RIPOR2: variants seen among roughly 807,000 people sequenced by gnomAD.
RIPOR2 encodes the protein rho family-interacting cell polarization regulator 2.
RIPOR2 carries 39 observed loss-of-function variants against 114.5 expected under a neutral mutation model. The ratio of observed to expected loss-of-function variants is 0.34; its 90% CI spans 0.26 to 0.44. RIPOR2 has a LOEUF of 0.44. Ranked by LOEUF, RIPOR2 falls within the 20% of genes least tolerant of loss-of-function variation. The pLI, the probability that RIPOR2 is intolerant of heterozygous loss-of-function variation, is 1.00. For missense variants in RIPOR2, 1,007 were observed against 1,255.1 expected (o/e 0.80, Z 2.99); for synonymous variants, 445 against 484.4 (o/e 0.92, Z 1.07).
At position 24,852,486 on chromosome 6, in the gene RIPOR2, GAC is replaced by G. The variant is rs1763060815; in HGVS notation, c.759+87_759+88del. 5.1e-6 allele frequency: 5 copies of G among 975,198 alleles called. No homozygotes were observed. In the South Asian group the frequency reaches 7.2e-5, roughly 14 times the overall value. 60.4% of individuals were successfully genotyped at this position (975,198 alleles called of 1,614,324 possible). A position where few individuals can be genotyped will look rare whatever the true frequency, so the allele number is the denominator to read the frequency against. On this transcript the variant is annotated intron_variant, in intron 9 of 21. Coordinates refer to ENST00000643898, the MANE Select transcript of RIPOR2 (RefSeq NM_001286445.3). ...AAAATTAAAAATTAAAAAAAAAAAA[GAC>G]AACTTGAAAAGCAAAATAATGACAT... is the stretch of plus-strand genomic sequence containing the variant.
chr6:24,899,637 C>A (rs1309450902), intron 1 of RIPOR2, among the ~76,000 whole-genome samples: 1 of 152,194 alleles, frequency 6.6e-6, no homozygotes, highest in African/African-American at 2.4e-5. Flanking sequence ...CATGAATTAA[C>A]AATGAGCTTG....
At chr6:24,990,482 C>T (rs1326711566) in intron 1 of RIPOR2, among the ~76,000 whole-genome samples, 1 of 152,234 alleles carries the variant, frequency 6.6e-6, no homozygotes, top group Non-Finnish European at 1.5e-5. Flanking sequence ...AAGCCACAAT[C>T]GTGAGTCGTA....
chr6:24,808,388 T>C, intron 21 of RIPOR2, among the ~76,000 whole-genome samples: 1 of 152,238 alleles, frequency 6.6e-6, no homozygotes, highest in East Asian at 1.9e-4. Context: ...AATAATACCT[T>C]GGTACATTTT....
intron 1 of RIPOR2, chr6:24,877,318 A>G (rs1450533833): frequency 5.1e-6 from 5 of 985,230 alleles, no homozygotes; most frequent in Middle Eastern, 5.2e-4. Context: ...CTCCCTCTCC[A>G]GGAGAGAGCA....
In RIPOR2 at chr6:25,029,411, G is replaced by GAAAA. The variant is rs71544610; in HGVS notation, c.76+12436_76+12439dup. On this transcript the variant is annotated intron_variant, in intron 1 of 13. Transcript: ENST00000510784. ...CAGAGCGAGACTCCGTCTCAAAAAA[G>GAAAA]AAAAAAAAAAAAAAAAAAAAAAGAA... is the stretch of plus-strand genomic sequence containing the variant. Among the ~76,000 whole-genome samples the GAAAA allele has an allele frequency of 2.3e-3, 205 of 90,580 alleles. 3 individuals are homozygous for GAAAA. The highest frequency in any genetic ancestry group is 3.9e-3 in the South Asian group (9 of 2,332). The allele number at this position is 90,580 out of a possible 152,430, so 59.4% of individuals were successfully genotyped here.
intron 1 of RIPOR2, among the ~76,000 whole-genome samples, chr6:24,934,543 A>G (rs1771627154): frequency 6.6e-6 from 1 of 152,228 alleles, no homozygotes; most frequent in Non-Finnish European, 1.5e-5. Context: ...GTTCTTTGCG[A>G]CACTCTAATT....
Position 24,839,319 on chromosome 6 carries a change from G to C in RIPOR2, c.1858-47C>G, listed in dbSNP as rs776033455. On this transcript the variant is annotated intron_variant, in intron 13 of 21. Transcript: ENST00000643898. ...GGGAGAACATCAACATATCCGGAAA[G>C]AGAAACCAGACACACGATGCTCAAT... is the stretch of plus-strand genomic sequence containing the variant. 6 of 1,508,082 alleles carry C rather than the reference G, an allele frequency of 4.0e-6. No homozygotes were observed. The African/African-American group carries it at 8.4e-5, about 21-fold the overall frequency. 93.4% of individuals were successfully genotyped at this position (1,508,082 alleles called of 1,614,324 possible).
chr6:24,859,045 A>C (rs1264542576), intron 8 of RIPOR2, among the ~76,000 whole-genome samples: 1 of 152,084 alleles, frequency 6.6e-6, no homozygotes, highest in Non-Finnish European at 1.5e-5. Context: ...CATAACATGG[A>C]GTTAGAGGTG....
chr6:24,820,217 G>A (rs1759553912), intron 19 of RIPOR2, among the ~76,000 whole-genome samples: 1 of 152,042 alleles, frequency 6.6e-6, no homozygotes, highest in East Asian at 1.9e-4. Flanking sequence ...ATTTTTAGTA[G>A]AGACAGGGTT....
intron 1 of RIPOR2, among the ~76,000 whole-genome samples, chr6:24,923,383 C>T (rs993419260): frequency 5.9e-5 from 9 of 152,106 alleles, no homozygotes; most frequent in African/African-American, 1.7e-4. Context: ...TGGGTATATA[C>T]CCAGAAGTGG....
At chr6:24,989,319 A>T (rs1217563957) in intron 1 of RIPOR2, among the ~76,000 whole-genome samples, 2 of 150,346 alleles carry the variant, frequency 1.3e-5, no homozygotes, top group African/African-American at 4.9e-5. Context: ...TTTTCGAGAC[A>T]GAATCTTGCT....
chr6:24,850,446 C>T lies in RIPOR2; in HGVS notation c.885+151G>A, dbSNP rs1054047618. 5 of 783,422 alleles carry T rather than the reference C, an allele frequency of 6.4e-6. No homozygotes were observed. The highest frequency in any genetic ancestry group is 1.7e-5 in the South Asian group (1 of 59,926). 48.5% of individuals were successfully genotyped at this position (783,422 alleles called of 1,614,324 possible). A position where few individuals can be genotyped will look rare whatever the true frequency, so the allele number is the denominator to read the frequency against. On this transcript the variant is annotated intron_variant, in intron 10 of 21. Transcript: ENST00000643898. The stretch of plus-strand genomic sequence containing the variant: ...GTATCTTAGATTGACTTTACTTACT[C>T]TGATGAGAGGGCAGCTGTCTTTGTA...
intron 15 of RIPOR2, among the ~76,000 whole-genome samples, chr6:24,833,701 TG>T (rs770966160): frequency 2.6e-4 from 39 of 152,268 alleles, no homozygotes; most frequent in Non-Finnish European, 4.3e-4. Flanking sequence ...AGCTCACACA[TG>T]AATCAACGCA....
intron 1 of RIPOR2, among the ~76,000 whole-genome samples, chr6:24,890,747 T>G (rs1044351168): frequency 6.6e-6 from 1 of 151,922 alleles, no homozygotes; most frequent in Non-Finnish European, 1.5e-5. Flanking sequence ...CTGGAACTCC[T>G]GGGCACAAGT....
intron 1 of RIPOR2, among the ~76,000 whole-genome samples, chr6:25,009,259 C>T (rs1775682921): frequency 6.6e-6 from 1 of 152,204 alleles, no homozygotes; most frequent in South Asian, 2.1e-4. Flanking sequence ...AGACAGAATA[C>T]AGTGTTCTTT....
Position 24,835,796 on chromosome 6 carries a change from A to T in RIPOR2, c.2115T>A (p.Ser705Arg), listed in dbSNP as rs1459117989. 6.4e-7 allele frequency: 1 copy of T among 1,551,460 alleles called. No individual in the cohort carries two copies. Among genetic ancestry groups the T allele is most frequent in the Non-Finnish European group, 8.7e-7 (1 of 1,146,970 alleles). Residue 705 changes from serine to arginine, a missense_variant, in exon 15 of 22, where the codon AGT becomes AGA. Coordinates refer to ENST00000643898, the MANE Select transcript of RIPOR2 (RefSeq NM_001286445.3). ...ALTEDTGVGT[S>R]VAGSPLPLTT... Reference sequence around the variant, plus strand: ...TCAGTGGGAGAGGACTTCCTGCCACACTGGTCCCAACTCCTGTGTCTTCAG... The same window carrying T: ...TCAGTGGGAGAGGACTTCCTGCCACTCTGGTCCCAACTCCTGTGTCTTCAG...
In RIPOR2 at chr6:24,806,009, G is replaced by A; in HGVS notation, c.*364C>T. 1.0e-5 allele frequency: 2 copies of A among 196,250 alleles called. No individual in the cohort carries two copies. Among genetic ancestry groups the A allele is most frequent in the African/African-American group, 4.7e-5 (2 of 42,472 alleles). The allele number at this position is 196,250 out of a possible 1,614,324, so 12.2% of individuals were successfully genotyped here. A position where few individuals can be genotyped will look rare whatever the true frequency, so the allele number is the denominator to read the frequency against. On this transcript the variant is annotated 3_prime_UTR_variant, in exon 22 of 22. Transcript: ENST00000643898. The stretch of plus-strand genomic sequence containing the variant: ...CTGTCACCCAGTCTGGAGTGCAGTG[G>A]GGCAATTATGGCTCACTGCAGCCTG...
intron 1 of RIPOR2, among the ~76,000 whole-genome samples, chr6:24,893,581 A>C (rs1767571519): frequency 6.6e-6 from 1 of 152,212 alleles, no homozygotes; most frequent in Admixed American, 6.5e-5. Flanking sequence ...ACCCTATCCC[A>C]CTTCAAAGCA....
intron 1 of RIPOR2, among the ~76,000 whole-genome samples, chr6:24,975,908 T>G (rs1274250897): frequency 6.6e-6 from 1 of 152,184 alleles, no homozygotes; most frequent in East Asian, 1.9e-4. Flanking sequence ...TAGAGATTGG[T>G]TGGTTGTATA....
Sources: gnomAD v4.1 joint callset for allele counts (sites outside exome capture counted in the v4.1 genomes callset) on GRCh38, gnomAD v4.1.1 for gene constraint, MANE v1.5 for transcripts, NCBI Gene and HGNC (gene_info 2026-07-23, HGNC 2026-07-21) for gene names.